CCAR1: variants seen among roughly 807,000 people sequenced by gnomAD.
CCAR1 encodes the protein cell division cycle and apoptosis regulator protein 1.
In CCAR1, 78 loss-of-function variants were observed where a neutral mutation model predicts 163.8. The ratio of observed to expected loss-of-function variants is 0.48; its 90% CI spans 0.40 to 0.57. The LOEUF is 0.57. Among genes scored for constraint, CCAR1 ranks in the 20% least tolerant of loss-of-function variants. The pLI, the probability that CCAR1 is intolerant of heterozygous loss-of-function variation, is 0.00. For missense variants in CCAR1, 1,019 were observed against 1,365.2 expected (o/e 0.75, Z 4.00); for synonymous variants, 443 against 460.7 (o/e 0.96, Z 0.49).
In CCAR1 at chr10:68,791,222, G is replaced by T; in HGVS notation, c.3409G>T (p.Glu1137Ter). The change falls in exon 25 of 25, where the codon GAA becomes TAA. Residue 1137 changes from glutamate (E) to a stop codon, truncating the protein, a stop_gained. Coordinates refer to ENST00000265872, the MANE Select transcript of CCAR1 (RefSeq NM_018237.4). LOFTEE classifies it high-confidence loss of function. The part of the protein sequence containing the change: ...TVLKKDNVKN[E>*]DKDQKSKENG... The stretch of plus-strand genomic sequence containing the variant: ...TGTCTTATAGGATAATGTAAAGAAT[G>T]AAGACAAAGATCAAAAATCCAAGGA... The T allele has an allele frequency of 6.3e-7, 1 of 1,589,440 alleles. No homozygotes were observed. The highest frequency in any genetic ancestry group is 1.1e-5 in the South Asian group (1 of 89,426).
intron 15 of CCAR1, among the ~76,000 whole-genome samples, chr10:68,760,636 A>C (rs2056456942): frequency 3.9e-5 from 6 of 152,208 alleles, no homozygotes; most frequent in Admixed American, 3.9e-4. Flanking sequence ...TGGGAGGCCA[A>C]GGCAGGCTGA....
chr10:68,770,417 G>A (rs2056587278), intron 17 of CCAR1, among the ~76,000 whole-genome samples: 2 of 152,174 alleles, frequency 1.3e-5, no homozygotes, highest in Admixed American at 1.3e-4. Context: ...AACTTATTGA[G>A]TAAATGAATA....
chr10:68,784,926 T>C (rs926443734), intron 19 of CCAR1, among the ~76,000 whole-genome samples: 2 of 149,230 alleles, frequency 1.3e-5, no homozygotes, highest in Non-Finnish European at 3.0e-5. Context: ...TTTTTTTTTT[T>C]TTTTTTTTTG....
intron 2 of CCAR1, among the ~76,000 whole-genome samples, chr10:68,733,238 T>C (rs940956564): frequency 4.7e-5 from 7 of 149,996 alleles, no homozygotes; most frequent in African/African-American, 1.5e-4. Flanking sequence ...AGTGGGACCC[T>C]GTCTTTACAG....
Position 68,756,373 on chromosome 10 carries a change from G to T in CCAR1, c.1726G>T (p.Val576Phe), listed in dbSNP as rs1329158292. The stretch of plus-strand genomic sequence containing the variant: ...GACAGTGGTTTTATTTTTCCCGGAT[G>T]TTTGGCATTGCCTTCCCACCCGCTC... ...VETVVLFFPD[V>F]WHCLPTRSEW... The change falls in exon 14 of 25, where the codon GTT becomes TTT. Residue 576 changes from valine (V) to phenylalanine (F), a missense_variant. Physicochemically the swap from Val to Phe is conservative, Grantham distance 50 (BLOSUM62 -1). Around this residue, in one of 4 missense-constraint regions of CCAR1, gnomAD observed 644 missense variants for 904.4 expected, o/e 0.71. Coordinates refer to ENST00000265872, the MANE Select transcript of CCAR1 (RefSeq NM_018237.4). This position sits in a 1 kb window ranked among gnomAD's most constrained non-coding sequence, Gnocchi z 5.1. 1 of 1,614,022 alleles carries T rather than the reference G, an allele frequency of 6.2e-7. No homozygotes were observed. Among genetic ancestry groups the T allele is most frequent in the East Asian group, 2.2e-5 (1 of 44,874 alleles).
rs1242949536 is a variant in CCAR1 at position 68,749,239 on chromosome 10, A to G, written c.930A>G (p.Gln310=). ...CAGGAAGAAATGACAGAGGGGATCAAGTGCCTAACAGAAAAGATGATCGAA... is the reference window on the plus strand; with the variant it reads ...CAGGAAGAAATGACAGAGGGGATCAGGTGCCTAACAGAAAAGATGATCGAA... The part of the protein sequence containing the change: ...RFSGRNDRGD[Q]VPNRKDDRSR... Residue 310 remains glutamine (Q), a synonymous_variant, in exon 9 of 25, where the codon CAA becomes CAG. Coordinates refer to ENST00000265872, the MANE Select transcript of CCAR1 (RefSeq NM_018237.4). 52 of 1,610,252 alleles carry G rather than the reference A, an allele frequency of 3.2e-5. No individual in the cohort carries two copies. The highest frequency in any genetic ancestry group is 4.4e-5 in the Non-Finnish European group (52 of 1,179,196).
chr10:68,760,018 G>A (rs2056448643), intron 15 of CCAR1, among the ~76,000 whole-genome samples: 1 of 151,858 alleles, frequency 6.6e-6, no homozygotes, highest in Non-Finnish European at 1.5e-5. Flanking sequence ...TTTCTAAAGA[G>A]ATGGGGTTTT....
intron 6 of CCAR1, among the ~76,000 whole-genome samples, chr10:68,744,602 A>G (rs904141377): frequency 6.6e-6 from 1 of 152,230 alleles, no homozygotes; most frequent in African/African-American, 2.4e-5. Context: ...TGTAGGAAAT[A>G]CTGTACAACA....
intron 2 of CCAR1, among the ~76,000 whole-genome samples, chr10:68,729,174 G>A (rs1248060472): frequency 1.3e-5 from 2 of 151,938 alleles, no homozygotes; most frequent in Non-Finnish European, 2.9e-5. Context: ...GGACAATACA[G>A]TTATATAAGA....
chr10:68,722,415 G>A (rs1300593520), intron 1 of CCAR1, 40 bp from the exon 2 acceptor site: 6 of 971,078 alleles, frequency 6.2e-6, no homozygotes, highest in Non-Finnish European at 1.0e-5. Flanking sequence ...GATATCTGTA[G>A]CTTGGTTGGA....
chr10:68,791,646 T>C lies in CCAR1; in HGVS notation c.*380T>C, dbSNP rs1275213306. On this transcript the variant is annotated 3_prime_UTR_variant, in exon 25 of 25. Transcript: ENST00000265872. The stretch of plus-strand genomic sequence containing the variant: ...ATTAGGTTTTAAAATTTTTAGTTCA[T>C]CTGTTAAAATTTCAGTCAAAATCAT... The C allele has an allele frequency of 6.5e-6, 1 of 153,646 alleles. No homozygotes were observed. The highest frequency in any genetic ancestry group is 1.4e-5 in the Non-Finnish European group (1 of 69,018). 9.5% of individuals were successfully genotyped at this position (153,646 alleles called of 1,614,324 possible). A position where few individuals can be genotyped will look rare whatever the true frequency, so the allele number is the denominator to read the frequency against.
At chr10:68,782,697 T>G (rs1300294372) in intron 19 of CCAR1, among the ~76,000 whole-genome samples, 2 of 152,108 alleles carry the variant, frequency 1.3e-5, no homozygotes, top group Non-Finnish European at 2.9e-5. Flanking sequence ...CCCTTAAAAA[T>G]TATGCTAAAC....
At chr10:68,755,335 G>T (rs757584630) in intron 12 of CCAR1, 35 bp from the exon 13 acceptor site, 60 of 1,575,444 alleles carry the variant, frequency 3.8e-5, no homozygotes, top group Non-Finnish European at 5.1e-5. Context: ...GACAGGGTGC[G>T]TAATATATGT....
chr10:68,743,596 G>A (rs1243543188), intron 6 of CCAR1, among the ~76,000 whole-genome samples: 1 of 151,842 alleles, frequency 6.6e-6, no homozygotes, highest in African/African-American at 2.4e-5. Flanking sequence ...AGGCTAGAGT[G>A]CAGTGGCGTG....
At chr10:68,730,315 T>G (rs2056018659) in intron 2 of CCAR1, among the ~76,000 whole-genome samples, 1 of 150,120 alleles carries the variant, frequency 6.7e-6, no homozygotes, top group Non-Finnish European at 1.5e-5. Flanking sequence ...TGATTGTAGT[T>G]TTTAAAAAAG....
intron 2 of CCAR1, among the ~76,000 whole-genome samples, chr10:68,725,634 T>C (rs1016097703): frequency 6.6e-6 from 1 of 152,158 alleles, no homozygotes; most frequent in Non-Finnish European, 1.5e-5. Flanking sequence ...TTCTACAGAA[T>C]GAGATTTTGA....
rs779321119 is a variant in CCAR1 at position 68,755,491 on chromosome 10, G to T, written c.1580G>T (p.Cys527Phe). Residue 527 changes from cysteine (C) to phenylalanine (F), a missense_variant, in exon 13 of 25, where the codon TGT (cysteine) becomes TTT (phenylalanine). Physicochemically the swap from Cys to Phe is radical, Grantham distance 205. Around this residue, in one of 4 missense-constraint regions of CCAR1, gnomAD observed 644 missense variants for 904.4 expected, o/e 0.71. Transcript: ENST00000265872. ...PSVLIKTAIR[C>F]CKALTGIDLS... The stretch of plus-strand genomic sequence containing the variant: ...GTGTTGATTAAGACTGCTATTCGTT[G>T]TTGTAAGGCTCTGACAGGCATTGAT... 6.2e-7 allele frequency: 1 copy of T among 1,614,042 alleles called. No homozygotes were observed. The highest frequency in any genetic ancestry group is 1.3e-5 in the African/African-American group (1 of 74,944).
rs966639375 is a variant in CCAR1, at chr10:68,776,209, T to C, written c.2650+3110T>C. 2.0e-5 allele frequency among the ~76,000 whole-genome samples: 3 copies of C among 152,096 alleles called. No homozygotes were observed. In the South Asian group the frequency reaches 6.2e-4, roughly 31 times the overall value. ...CTAGCTTTAAATGCTGTCTATATAC[T>C]GTTAATTCTCAAATTTCTAATTTTC... On this transcript the variant is annotated intron_variant, in intron 19 of 24. Transcript: ENST00000265872.
Position 68,747,177 on chromosome 10 carries a change from A to G in CCAR1, c.535A>G (p.Thr179Ala), listed in dbSNP as rs369204748. Residue 179 changes from threonine (T) to alanine (A), a missense_variant, in exon 7 of 25, where the codon ACC (threonine) becomes GCC (alanine). This residue lies in a region of CCAR1 where 644 missense variants were observed against 904.4 expected (regional missense o/e 0.71). Coordinates refer to ENST00000265872, the MANE Select transcript of CCAR1 (RefSeq NM_018237.4). The stretch of plus-strand genomic sequence containing the variant: ...TTTTTACAGTGCTGTCAAAGGGAAA[A>G]CCCCCCAAGTAGGTGACAGAGTATT... The part of the protein sequence containing the change: ...FFQLSAVKGK[T>A]PQVGDRVLVE... The G allele has an allele frequency of 4.4e-6, 7 of 1,583,294 alleles. No individual in the cohort carries two copies. The African/African-American group carries it at 6.9e-5, about 16-fold the overall frequency.
Sources: gnomAD v4.1 joint callset for allele counts (sites outside exome capture counted in the v4.1 genomes callset) on GRCh38, gnomAD v4.1.1 for gene constraint, gnomAD v4.1.1 regional missense constraint, Gnocchi (gnomAD v3.1) non-coding constraint, MANE v1.5 for transcripts, NCBI Gene and HGNC (gene_info 2026-07-23, HGNC 2026-07-21) for gene names.